THEMIS: variants seen among roughly 807,000 people sequenced by gnomAD.
THEMIS encodes the protein protein THEMIS.
THEMIS carries 37 observed loss-of-function variants against 52.6 expected under a neutral mutation model. That is an observed-to-expected ratio of 0.70 (90% CI 0.54 to 0.93). THEMIS has a LOEUF of 0.93. THEMIS is among the 40% of genes least tolerant of loss of function. THEMIS has a pLI of 0.00. For synonymous variants in THEMIS, 292 were observed against 272.7 expected, an observed-to-expected ratio of 1.07 and a Z score of -0.70; for missense variants, 808 against 763.1, an observed-to-expected ratio of 1.06 and a Z score of -0.69.
intron 4 of THEMIS, among the ~76,000 whole-genome samples, chr6:127,748,487 C>G (rs1775525523): frequency 6.6e-6 from 1 of 152,048 alleles, no homozygotes; most frequent in Non-Finnish European, 1.5e-5. Context: ...AGAAAATTAA[C>G]CCAGTCCTGC....
intron 4 of THEMIS, among the ~76,000 whole-genome samples, chr6:127,739,341 GA>G (rs1019584648): frequency 1.3e-5 from 2 of 151,846 alleles, no homozygotes; most frequent in South Asian, 4.2e-4. Context: ...GAAATTATGG[GA>G]AAAAAAATAA....
intron 1 of THEMIS, among the ~76,000 whole-genome samples, chr6:127,861,777 C>A (rs1235613585): frequency 1.1e-5 from 1 of 94,390 alleles, no homozygotes; most frequent in African/African-American, 4.6e-5. Flanking sequence ...CAGTAAGACT[C>A]CATCTCAAAA....
rs377489629 is a variant in THEMIS at position 127,720,684 on chromosome 6, G to A, written c.1759-861C>T. Among the ~76,000 whole-genome samples, 7 of 151,964 alleles carry A rather than the reference G, an allele frequency of 4.6e-5. No homozygotes were observed. The East Asian group carries it at 1.2e-3, about 25-fold the overall frequency. ...ACAACTTTCCTGTAAAGTTTCTCCT[G>A]TAGACCATATATTGCATGAAATTCA... On this transcript the variant is annotated intron_variant, in intron 4 of 5. Transcript: ENST00000368248.
intron 2 of THEMIS, among the ~76,000 whole-genome samples, chr6:127,852,141 A>T (rs1779448416): frequency 6.6e-6 from 1 of 151,628 alleles, no homozygotes; most frequent in African/African-American, 2.4e-5. Flanking sequence ...TTGCTACTAG[A>T]GTCAAAGAAT....
At chr6:127,819,324 T>C (rs1778253854) in intron 3 of THEMIS, among the ~76,000 whole-genome samples, 1 of 151,718 alleles carries the variant, frequency 6.6e-6, no homozygotes, top group African/African-American at 2.4e-5. Context: ...CCAAGAAATG[T>C]AAGACAACTG....
intron 1 of THEMIS, among the ~76,000 whole-genome samples, chr6:127,886,390 T>C (rs1780645002): frequency 6.6e-6 from 1 of 152,188 alleles, no homozygotes; most frequent in African/African-American, 2.4e-5. Context: ...TTCCATGGAC[T>C]TGGAGTACTC....
intron 4 of THEMIS, among the ~76,000 whole-genome samples, chr6:127,801,872 G>C (rs773741203): frequency 6.6e-6 from 1 of 152,116 alleles, no homozygotes; most frequent in Non-Finnish European, 1.5e-5. Flanking sequence ...GCACTACACG[G>C]GAAAAGAACT....
chr6:127,748,839 T>C (rs774359034), intron 4 of THEMIS, among the ~76,000 whole-genome samples: 1 of 152,080 alleles, frequency 6.6e-6, no homozygotes, highest in Non-Finnish European at 1.5e-5. Context: ...TTAGATGCTT[T>C]ATTGAGTTAA....
intron 2 of THEMIS, among the ~76,000 whole-genome samples, chr6:127,836,856 T>C (rs1453674933): frequency 6.6e-6 from 1 of 152,096 alleles, no homozygotes; most frequent in Non-Finnish European, 1.5e-5. Flanking sequence ...TCTGGAAGCT[T>C]TGACCTGGTA....
chr6:127,719,006 AG>A (rs1183997195), intron 5 of THEMIS, among the ~76,000 whole-genome samples: 1 of 151,972 alleles, frequency 6.6e-6, no homozygotes, highest in Non-Finnish European at 1.5e-5. Context: ...CGTATGCTTA[AG>A]AATAATTACA....
intron 3 of THEMIS, among the ~76,000 whole-genome samples, chr6:127,817,186 T>C (rs1054052792): frequency 1.3e-5 from 2 of 152,178 alleles, no homozygotes; most frequent in Non-Finnish European, 2.9e-5. Flanking sequence ...GTTTTCTTCA[T>C]CAATGTCTAG....
At chr6:127,719,966 T>C (rs1774308598) in intron 4 of THEMIS, 143 bp from the exon 5 acceptor site, 1 of 1,057,938 alleles carries the variant, frequency 9.5e-7, no homozygotes, top group Non-Finnish European at 1.3e-6. Flanking sequence ...AAATTATATG[T>C]TCATCAATAT....
In THEMIS at chr6:127,813,045, T is replaced by C. The variant is rs766897003; in HGVS notation, c.1596A>G (p.Val532=). Residue 532 remains valine, a synonymous_variant, in exon 4 of 6, where the codon GTA becomes GTG. Coordinates refer to ENST00000368248, the MANE Select transcript of THEMIS (RefSeq NM_001010923.3). Reference sequence around the variant, plus strand: ...AATATTGCTCTTCAGTGATCTCTTCTACCAGAGTCCTGACTAGAAATGGTT... The same window carrying C: ...AATATTGCTCTTCAGTGATCTCTTCCACCAGAGTCCTGACTAGAAATGGTT... ...DAEPFLVRTL[V]EEITEEQYYM... 8.7e-6 allele frequency: 14 copies of C among 1,614,036 alleles called. No homozygotes were observed. The highest frequency in any genetic ancestry group is 1.7e-5 in the Admixed American group (1 of 59,982).
At chr6:127,701,902 T>C in the THEMIS span, among the ~76,000 whole-genome samples, 1 of 152,194 alleles carries the variant, frequency 6.6e-6, no homozygotes, top group Non-Finnish European at 1.5e-5. Context: ...GAATTTTACT[T>C]AATGATTTGA....
intron 4 of THEMIS, among the ~76,000 whole-genome samples, chr6:127,734,794 G>A (rs555866086): frequency 6.9e-4 from 98 of 141,966 alleles, no homozygotes; most frequent in Non-Finnish European, 1.2e-3. Context: ...GCTTGAACCC[G>A]AGAGGCTGAG....
At chr6:127,899,922 TATA>T (rs1781086719) in intron 1 of THEMIS, among the ~76,000 whole-genome samples, 3 of 140,844 alleles carry the variant, frequency 2.1e-5, no homozygotes, top group African/African-American at 7.6e-5. Flanking sequence ...TATATATATA[TATA>T]ATATATATAA....
chr6:127,903,048 T>C (rs1415504968), upstream of THEMIS, among the ~76,000 whole-genome samples: 1 of 152,070 alleles, frequency 6.6e-6, no homozygotes, highest in East Asian at 1.9e-4. Context: ...ATCATCTTCG[T>C]ATTCTCAGTC....
At chr6:127,721,139 G>T (rs1035898442) in intron 4 of THEMIS, among the ~76,000 whole-genome samples, 1 of 151,930 alleles carries the variant, frequency 6.6e-6, no homozygotes, top group Non-Finnish European at 1.5e-5. Flanking sequence ...AACATGAGAT[G>T]GGCAGAGTTA....
chr6:127,895,453 T>C (rs1040570763), intron 1 of THEMIS, among the ~76,000 whole-genome samples: 16 of 151,572 alleles, frequency 1.1e-4, no homozygotes, highest in African/African-American at 3.9e-4. Flanking sequence ...TAAATATTAC[T>C]AATCGTATTT....
Sources: allele counts gnomAD v4.1 joint callset (sites outside exome capture counted in the v4.1 genomes callset), GRCh38; gene constraint gnomAD v4.1.1; transcripts MANE v1.5; gene names NCBI Gene and HGNC (gene_info 2026-07-23, HGNC 2026-07-21).